EIF3A: variants seen among roughly 807,000 people sequenced by gnomAD.
EIF3A encodes the protein eukaryotic translation initiation factor 3 subunit A, also known as EIF3, p180 subunit.
EIF3A carries 21 observed loss-of-function variants against 186.6 expected under a neutral mutation model. The observed-to-expected ratio is 0.11, with a 90% CI of 0.08 to 0.16. The LOEUF (loss-of-function observed/expected upper bound fraction) is 0.16. Ranked by LOEUF, EIF3A falls within the 10% of genes least tolerant of loss-of-function variation. EIF3A has a pLI of 1.00. For missense variants in EIF3A, 1,306 were observed against 1,796.3 expected, an observed-to-expected ratio of 0.73 and a Z score of 4.93; for synonymous variants, 563 against 584.3, an observed-to-expected ratio of 0.96 and a Z score of 0.52.
chr10:119,037,091 A>G (rs1175602301), intron 21 of EIF3A, 28 bp downstream of exon 21: 8 of 735,842 alleles, frequency 1.1e-5, no homozygotes, highest in East Asian at 5.4e-5. Flanking sequence ...CAGTTCTCCA[A>G]TACTTCAGTT....
rs1848342286 is a variant in EIF3A, at chr10:119,050,503, C to A, written c.2473+18G>T. The A allele has an allele frequency of 1.2e-6, 2 of 1,610,492 alleles. No individual in the cohort carries two copies. Among genetic ancestry groups the A allele is most frequent in the South Asian group, 1.1e-5 (1 of 90,830 alleles). On this transcript the variant is annotated intron_variant, in intron 16 of 21. Transcript: ENST00000369144. ...AACCTTGCATTAGCACCCCTCCAAT[C>A]CTGTTTGACCTGTGTACCTTTTAGC...
chr10:119,069,579 C>T lies in EIF3A; in HGVS notation c.817G>A (p.Ala273Thr). 2 of 1,596,252 alleles carry T rather than the reference C, an allele frequency of 1.3e-6. No homozygotes were observed. The highest frequency in any genetic ancestry group is 1.3e-5 in the African/African-American group (1 of 74,620). Reference protein sequence around the residue: ...SKKPPKPQLMANYYNKVSTVF... With the variant: ...SKKPPKPQLMTNYYNKVSTVF... Reference sequence around the variant, plus strand: ...GTTGAGACTTTGTTATAGTAATTTGCCATCAACTGAGGTTTAGGTGGTTTT... The same window carrying T: ...GTTGAGACTTTGTTATAGTAATTTGTCATCAACTGAGGTTTAGGTGGTTTT... The change falls in exon 6 of 22, where the codon GCA becomes ACA. Residue 273 changes from alanine (A) to threonine (T), a missense_variant. Transcript: ENST00000369144.
In EIF3A at chr10:119,042,653, C is replaced by G. The variant is rs1373174427; in HGVS notation, c.2867G>C (p.Arg956Pro). 3 of 1,614,190 alleles carry G rather than the reference C, an allele frequency of 1.9e-6. No homozygotes were observed. Among genetic ancestry groups the G allele is most frequent in the Non-Finnish European group, 2.5e-6 (3 of 1,180,042 alleles). Residue 956 changes from arginine to proline, a missense_variant, in exon 19 of 22, where the codon CGG becomes CCG. Coordinates refer to ENST00000369144, the MANE Select transcript of EIF3A (RefSeq NM_003750.4). This position sits in a 1 kb window ranked among gnomAD's most constrained non-coding sequence, Gnocchi z 7.8. Reference protein sequence around the residue: ...REPSLRPDDDRVPRRGMDDDR... With the variant: ...REPSLRPDDDPVPRRGMDDDR... ...ATCATCCATGCCACGCCGGGGAACC[C>G]GATCATCGTCTGGTCTAAGAGAGGG...
chr10:119,053,966 G>A (rs1848392232), intron 14 of EIF3A, among the ~76,000 whole-genome samples: 1 of 152,170 alleles, frequency 6.6e-6, no homozygotes, highest in African/African-American at 2.4e-5. Context: ...GGTTGCCCAG[G>A]GTGGAGTGCA....
Position 119,036,030 on chromosome 10 carries a change from T to G in EIF3A, c.*9A>C. 1 of 1,601,958 alleles carries G rather than the reference T, an allele frequency of 6.2e-7. No homozygotes were observed. Among genetic ancestry groups the G allele is most frequent in the Non-Finnish European group, 8.6e-7 (1 of 1,168,886 alleles). ...TTAAGACACCAGTTTAAATCCATTA[T>G]CTTGAGACTTAACGTCGTACTGTGG... On this transcript the variant is annotated 3_prime_UTR_variant, in exon 22 of 22. Coordinates refer to ENST00000369144, the MANE Select transcript of EIF3A (RefSeq NM_003750.4).
At chr10:119,070,647 G>C (rs990057406) in intron 5 of EIF3A, among the ~76,000 whole-genome samples, 1 of 152,170 alleles carries the variant, frequency 6.6e-6, no homozygotes, top group Non-Finnish European at 1.5e-5. Context: ...TGTTTTATAT[G>C]TCAAGAAACT....
intron 1 of EIF3A, among the ~76,000 whole-genome samples, chr10:119,076,268 G>A (rs1400552746): frequency 2.0e-5 from 3 of 149,748 alleles, no homozygotes; most frequent in Non-Finnish European, 4.4e-5. Flanking sequence ...AGGAGGCGGA[G>A]GTTGCGGTGA....
chr10:119,056,328 G>A (rs912791486), intron 14 of EIF3A, among the ~76,000 whole-genome samples: 4 of 152,128 alleles, frequency 2.6e-5, no homozygotes, highest in East Asian at 3.8e-4. Flanking sequence ...GTAGTTTAGC[G>A]GTTGCCTAGG....
intron 7 of EIF3A, among the ~76,000 whole-genome samples, chr10:119,061,907 T>G (rs917600256): frequency 3.9e-5 from 6 of 152,178 alleles, no homozygotes; most frequent in African/African-American, 1.4e-4. Flanking sequence ...TTTTAGGAAC[T>G]GTTAACCCAA....
chr10:119,038,502 T>A (rs905796912), intron 19 of EIF3A, 63 bp from the exon 20 acceptor site: 1 of 1,342,908 alleles, frequency 7.4e-7, no homozygotes, highest in Non-Finnish European at 1.0e-6. Flanking sequence ...AGATTGGCAA[T>A]CATGAATAGA....
In EIF3A at chr10:119,038,252, G is replaced by A. The variant is rs12259333; in HGVS notation, c.3714C>T (p.Arg1238=). Residue 1238 remains arginine (R), a synonymous_variant, in exon 20 of 22, where the codon CGC becomes CGT. Coordinates refer to ENST00000369144, the MANE Select transcript of EIF3A (RefSeq NM_003750.4). ...DRERDVDRED[R]FRRPRDEGGW... ...GAGCATCACACCTAGGTCTTCTGAAGCGATCCTCTCGATCCACATCTCTCT... is the reference window on the plus strand; with the variant it reads ...GAGCATCACACCTAGGTCTTCTGAAACGATCCTCTCGATCCACATCTCTCT... 6.2e-7 allele frequency: 1 copy of A among 1,613,762 alleles called. No homozygotes were observed. Among genetic ancestry groups the A allele is most frequent in the Non-Finnish European group, 8.5e-7 (1 of 1,179,840 alleles).
chr10:119,036,109 T>C lies in EIF3A; in HGVS notation c.4079A>G (p.Lys1360Arg). The change falls in exon 22 of 22, where the codon AAA (lysine) becomes AGA (arginine). Residue 1360 changes from lysine (K) to arginine (R), a missense_variant. Lys to Arg is a conservative substitution (Grantham distance 26, BLOSUM62 2). Transcript: ENST00000369144. ...EKEKASWRAE[K>R]DRESLRRTKN... is the part of the protein sequence containing the mutation. ...AGTACGACGGAGAGATTCCCTATCT[T>C]TCTCAGCTCTCCATGAGGCCTTCTC... 3.1e-6 allele frequency: 5 copies of C among 1,614,016 alleles called. No individual in the cohort carries two copies.
chr10:119,075,853 A>T (rs1359545127), intron 1 of EIF3A, among the ~76,000 whole-genome samples: 31 of 141,562 alleles, frequency 2.2e-4, no homozygotes, highest in African/African-American at 8.0e-4. Flanking sequence ...CGCTGGGACT[A>T]CGGAGCTCGC....
intron 1 of EIF3A, among the ~76,000 whole-genome samples, chr10:119,076,270 T>G (rs1589698108): frequency 6.7e-6 from 1 of 148,774 alleles, no homozygotes; most frequent in African/African-American, 2.5e-5. Flanking sequence ...GAGGCGGAGG[T>G]TGCGGTGAGC....
chr10:119,052,548 T>C (rs1848373768), intron 14 of EIF3A, among the ~76,000 whole-genome samples: 1 of 152,028 alleles, frequency 6.6e-6, no homozygotes, highest in South Asian at 2.1e-4. Flanking sequence ...CTAATTTTCC[T>C]GTTTTTTTGT....
chr10:119,077,682 G>A (rs1169539104), intron 1 of EIF3A, among the ~76,000 whole-genome samples: 1 of 151,554 alleles, frequency 6.6e-6, no homozygotes, highest in Non-Finnish European at 1.5e-5. Flanking sequence ...AGCTTCCTGA[G>A]TAGCTGGGAC....
rs778928763 is a variant in EIF3A, at chr10:119,049,962, C to G, written c.2497G>C (p.Glu833Gln). Residue 833 changes from glutamate (E) to glutamine (Q), a missense_variant, in exon 17 of 22, where the codon GAA becomes CAA. Glu to Gln is a conservative substitution (Grantham distance 29). Coordinates refer to ENST00000369144, the MANE Select transcript of EIF3A (RefSeq NM_003750.4). Reference sequence around the variant, plus strand: ...AGCTCTTCCTCGCGTTTTGCTCGTTCGGCGCGCTCTCTCTCTTCCCGCTCT... The same window carrying G: ...AGCTCTTCCTCGCGTTTTGCTCGTTGGGCGCGCTCTCTCTCTTCCCGCTCT... ...LKEREERERAERAKREEELRE... is the reference protein window; with the variant it reads ...LKEREERERAQRAKREEELRE... 1 of 1,614,020 alleles carries G rather than the reference C, an allele frequency of 6.2e-7. No individual in the cohort carries two copies. The highest frequency in any genetic ancestry group is 1.3e-5 in the African/African-American group (1 of 74,978).
intron 20 of EIF3A, 77 bp from the exon 21 acceptor site, chr10:119,037,386 C>G: frequency 7.6e-7 from 1 of 1,320,408 alleles, no homozygotes; most frequent in African/African-American, 1.5e-5. Flanking sequence ...CCAGTCCAAG[C>G]TGGGGCTTAG....
At chr10:119,041,091 T>C (rs1330646869) in intron 19 of EIF3A, among the ~76,000 whole-genome samples, 4 of 149,194 alleles carry the variant, frequency 2.7e-5, no homozygotes, top group Middle Eastern at 3.7e-3. Context: ...GGCAGGAGAA[T>C]TGCTTGAACC....
Sources: gnomAD v4.1 joint callset for allele counts (sites outside exome capture counted in the v4.1 genomes callset) on GRCh38, gnomAD v4.1.1 for gene constraint, Gnocchi (gnomAD v3.1) non-coding constraint, MANE v1.5 for transcripts, NCBI Gene and HGNC (gene_info 2026-07-23, HGNC 2026-07-21) for gene names.